The following TCERG1L variants were observed in gnomAD, a reference collection of about 807,000 sequenced individuals.
TCERG1L encodes transcription elongation regulator 1-like protein.
In TCERG1L, 37 loss-of-function variants were observed where a neutral mutation model predicts 56.3. That is an observed-to-expected ratio of 0.66 (90% CI 0.51 to 0.87). The LOEUF (loss-of-function observed/expected upper bound fraction) is 0.87. Among genes scored for constraint, TCERG1L ranks in the 40% least tolerant of loss-of-function variants. The pLI, the probability that TCERG1L is intolerant of heterozygous loss-of-function variation, is 0.00. For synonymous variants in TCERG1L, 324 were observed against 326.3 expected (o/e 0.99, Z 0.08); for missense variants, 799 against 774.2 (o/e 1.03, Z -0.38).
intron 4 of TCERG1L, among the ~76,000 whole-genome samples, chr10:131,171,191 G>A (rs904458728): frequency 1.4e-5 from 1 of 69,230 alleles, no homozygotes; most frequent in African/African-American, 5.6e-5. Flanking sequence ...AAAAAAAGAA[G>A]AAAGAAAAAA....
intron 11 of TCERG1L, among the ~76,000 whole-genome samples, chr10:131,097,332 T>C (rs1845259480): frequency 6.6e-6 from 1 of 152,126 alleles, no homozygotes; most frequent in Non-Finnish European, 1.5e-5. Flanking sequence ...AAGTAGTACA[T>C]GTTCATTACT....
chr10:131,154,034 C>T lies in TCERG1L; in HGVS notation c.1035-7374G>A, dbSNP rs185289228. ...CCACTGGACGGGGCCAGCTGTAACACGCAGAATTAATTTTATGTACCATTT... is the reference window on the plus strand; with the variant it reads ...CCACTGGACGGGGCCAGCTGTAACATGCAGAATTAATTTTATGTACCATTT... On this transcript the variant is annotated intron_variant, in intron 6 of 11. Transcript: ENST00000368642. Among the ~76,000 whole-genome samples, 27 of 152,232 alleles carry T rather than the reference C, an allele frequency of 1.8e-4. No homozygotes were observed. The East Asian group carries it at 3.5e-3, about 20-fold the overall frequency.
At chr10:131,309,086 T>C (rs1368207702) in intron 2 of TCERG1L, 67 bp downstream of exon 2, 16 of 1,545,338 alleles carry the variant, frequency 1.0e-5, no homozygotes, top group Admixed American at 6.4e-5. Context: ...ATTTTTGTTG[T>C]TATGTCGATG....
intron 6 of TCERG1L, among the ~76,000 whole-genome samples, chr10:131,152,861 C>A (rs184351952): frequency 6.6e-6 from 1 of 152,230 alleles, no homozygotes; most frequent in East Asian, 1.9e-4. Context: ...AGAATGAGTG[C>A]CAGCATAGGA....
At chr10:131,206,044 G>A (rs902713063) in intron 4 of TCERG1L, among the ~76,000 whole-genome samples, 1 of 152,244 alleles carries the variant, frequency 6.6e-6, no homozygotes, top group Non-Finnish European at 1.5e-5. Flanking sequence ...TTGTCTGGAA[G>A]ACTCTGAAAG....
intron 7 of TCERG1L, among the ~76,000 whole-genome samples, chr10:131,134,827 C>T (rs749240199): frequency 1.5e-4 from 23 of 152,234 alleles, no homozygotes; most frequent in Non-Finnish European, 2.6e-4. Context: ...GCCACCTCTG[C>T]GGCCACTGCC....
chr10:131,218,742 C>T (rs544742028), intron 4 of TCERG1L, among the ~76,000 whole-genome samples: 17 of 152,290 alleles, frequency 1.1e-4, no homozygotes, highest in African/African-American at 3.1e-4. Context: ...CCCTTTCCTC[C>T]GGGAAGCAGC....
At position 131,103,004 on chromosome 10, in the gene TCERG1L, G is replaced by A. The variant is rs1050735247; in HGVS notation, c.1485+1261C>T. ...GTCTCTCCTTAAAATAGTCCCCGGA[G>A]AACCCCCTCTAATCAATTCCGTGTT... is the stretch of plus-strand genomic sequence containing the variant. On this transcript the variant is annotated intron_variant, in intron 10 of 11. Coordinates refer to ENST00000368642, the MANE Select transcript of TCERG1L (RefSeq NM_174937.4). This position sits in a 1 kb window ranked among gnomAD's most constrained non-coding sequence, Gnocchi z 4.3. 6.6e-6 allele frequency among the ~76,000 whole-genome samples: 1 copy of A among 152,014 alleles called. No individual in the cohort carries two copies. The highest frequency in any genetic ancestry group is 2.4e-5 in the African/African-American group (1 of 41,414).
At chr10:131,288,109 A>G (rs1846565506) in intron 3 of TCERG1L, among the ~76,000 whole-genome samples, 1 of 152,200 alleles carries the variant, frequency 6.6e-6, no homozygotes, top group African/African-American at 2.4e-5. Flanking sequence ...CCAGCAGGAC[A>G]AGAGGCAGAG....
At chr10:131,236,444 C>T (rs1217983073) in intron 4 of TCERG1L, among the ~76,000 whole-genome samples, 1 of 152,234 alleles carries the variant, frequency 6.6e-6, no homozygotes, top group Non-Finnish European at 1.5e-5. Flanking sequence ...GGCCACAAAC[C>T]GCATGATGTG....
At chr10:131,218,173 C>T (rs557402845) in intron 4 of TCERG1L, among the ~76,000 whole-genome samples, 13 of 152,170 alleles carry the variant, frequency 8.5e-5, no homozygotes, top group Non-Finnish European at 1.6e-4. Flanking sequence ...TTTCCTGGTG[C>T]GTGGACTGCC....
chr10:131,218,481 C>A (rs1045517914), intron 4 of TCERG1L, among the ~76,000 whole-genome samples: 1 of 144,816 alleles, frequency 6.9e-6, no homozygotes, highest in African/African-American at 2.7e-5. Context: ...TTCTGCGATC[C>A]TTTTTTTCTA....
At position 131,094,143 on chromosome 10, in the gene TCERG1L, G is replaced by A. The variant is rs80350029; in HGVS notation, c.1605-825C>T. ...TGACCAACTGACCTTCGCAGGCACC[G>A]GGCCCCGCAACTTCCTGTTCTCTTA... On this transcript the variant is annotated intron_variant, in intron 11 of 11. Coordinates refer to ENST00000368642, the MANE Select transcript of TCERG1L (RefSeq NM_174937.4). Among the ~76,000 whole-genome samples, 83 of 152,310 alleles carry A rather than the reference G, an allele frequency of 5.4e-4. 1 individual carries two copies. The East Asian group carries it at 0.012, about 22-fold the overall frequency.
At chr10:131,144,025 C>T (rs1845768501) in intron 7 of TCERG1L, among the ~76,000 whole-genome samples, 1 of 152,122 alleles carries the variant, frequency 6.6e-6, no homozygotes, top group African/African-American at 2.4e-5. Flanking sequence ...GCACTGTGAG[C>T]CACAACTTCC....
intron 4 of TCERG1L, among the ~76,000 whole-genome samples, chr10:131,189,126 A>C (rs1845279356): frequency 6.6e-6 from 1 of 152,208 alleles, no homozygotes; most frequent in African/African-American, 2.4e-5. Flanking sequence ...GTTTTTCTAG[A>C]AGTTACAGAT....
At chr10:131,097,881 C>T (rs1213910091) in intron 11 of TCERG1L, among the ~76,000 whole-genome samples, 1 of 152,126 alleles carries the variant, frequency 6.6e-6, no homozygotes, top group Non-Finnish European at 1.5e-5. Flanking sequence ...ACATCTGGAA[C>T]CAAGGGGTGT....
intron 4 of TCERG1L, among the ~76,000 whole-genome samples, chr10:131,230,060 T>C (rs901010584): frequency 6.6e-6 from 1 of 152,132 alleles, no homozygotes; most frequent in African/African-American, 2.4e-5. Flanking sequence ...AGCTCTCCAC[T>C]GCAACCCGAC....
intron 9 of TCERG1L, among the ~76,000 whole-genome samples, chr10:131,104,945 A>G (rs1228003887): frequency 2.6e-5 from 4 of 152,256 alleles, no homozygotes; most frequent in African/African-American, 9.6e-5. Context: ...ACGCATTATT[A>G]CTAACAATAG....
intron 7 of TCERG1L, among the ~76,000 whole-genome samples, chr10:131,136,572 T>C (rs2133406245): frequency 6.6e-6 from 1 of 152,164 alleles, no homozygotes; most frequent in South Asian, 2.1e-4. Context: ...CTCGGCTCAC[T>C]GCAACCTCCA....
Sources: gnomAD v4.1 joint callset for allele counts (sites outside exome capture counted in the v4.1 genomes callset) on GRCh38, gnomAD v4.1.1 for gene constraint, Gnocchi (gnomAD v3.1) non-coding constraint, MANE v1.5 for transcripts, NCBI Gene and HGNC (gene_info 2026-07-23, HGNC 2026-07-21) for gene names.